Variants in SMIM21 observed in about 807,000 individuals in gnomAD.
The protein encoded by SMIM21 is small integral membrane protein 21, also known as chromosome 18 open reading frame 62.
In SMIM21, 8 loss-of-function variants were observed where a neutral mutation model predicts 8.6. That is an observed-to-expected ratio of 0.93 (90% confidence interval 0.55 to 1.68). SMIM21 has a LOEUF of 1.68. SMIM21 is among the 40% of genes most tolerant of loss of function. The probability of loss-of-function intolerance (pLI) is 0.00; values close to 1 mark genes in which losing one functional copy is unlikely to be tolerated. For synonymous variants in SMIM21, 43 were observed against 41.7 expected, an observed-to-expected ratio of 1.03 and a Z score of -0.12; for missense variants, 132 against 123.0, an observed-to-expected ratio of 1.07 and a Z score of -0.35.
chr18:75,421,106 G>A (rs76737801), intron 1 of SMIM21, among the ~76,000 whole-genome samples: 12 of 152,306 alleles, frequency 7.9e-5, no homozygotes, highest in East Asian at 5.8e-4. Flanking sequence ...GGTTGATCGC[G>A]AAGCAGTTTT....
chr18:75,418,440 C>G (rs2024671792), intron 2 of SMIM21, among the ~76,000 whole-genome samples: 1 of 152,206 alleles, frequency 6.6e-6, no homozygotes, highest in African/African-American at 2.4e-5. Context: ...TCCCATGTCA[C>G]TGGCTCTCAG....
intron 1 of SMIM21, among the ~76,000 whole-genome samples, chr18:75,420,793 TTGGGAGCTTTCC>T (rs1171419016): frequency 6.6e-6 from 1 of 152,188 alleles, no homozygotes; most frequent in Non-Finnish European, 1.5e-5. Flanking sequence ...GAAAGAAATA[TTGGGAGCTTTCC>T]TGGGCCCTTT....
intron 1 of SMIM21, among the ~76,000 whole-genome samples, chr18:75,422,364 ATCAAAAGAAACTG>A (rs2024718677): frequency 6.6e-6 from 1 of 151,594 alleles, no homozygotes; most frequent in South Asian, 2.1e-4. Context: ...TTTTTTTTTA[ATCAAAAGAAACTG>A]AGCTGGCACA....
chr18:75,425,459 G>A (rs561677857), intron 1 of SMIM21, among the ~76,000 whole-genome samples: 4 of 152,350 alleles, frequency 2.6e-5, no homozygotes, highest in South Asian at 2.1e-4. Context: ...ATTGGCTTTA[G>A]AGTCATTAAT....
At chr18:75,422,927 A>G (rs568040480) in intron 1 of SMIM21, among the ~76,000 whole-genome samples, 1 of 152,358 alleles carries the variant, frequency 6.6e-6, no homozygotes, top group African/African-American at 2.4e-5. Context: ...TGAATTGGAC[A>G]CTTAAGGCTA....
chr18:75,411,706 C>T (rs188905701), intron 2 of SMIM21, among the ~76,000 whole-genome samples: 2 of 152,312 alleles, frequency 1.3e-5, no homozygotes, highest in Non-Finnish European at 2.9e-5. Flanking sequence ...CTTTCATCAA[C>T]ACTAAAAATA....
chr18:75,424,452 A>G (rs933152843), intron 1 of SMIM21, among the ~76,000 whole-genome samples: 3 of 152,200 alleles, frequency 2.0e-5, no homozygotes, highest in African/African-American at 7.2e-5. Context: ...GGGTATGTTT[A>G]GGATACAGCA....
chr18:75,418,499 C>G (rs1387572392), intron 2 of SMIM21, among the ~76,000 whole-genome samples: 2 of 152,208 alleles, frequency 1.3e-5, no homozygotes, highest in African/African-American at 4.8e-5. Flanking sequence ...CTCATCCTGT[C>G]TCAAGGAGCG....
chr18:75,423,029 G>A (rs948412112), intron 1 of SMIM21, among the ~76,000 whole-genome samples: 4 of 152,190 alleles, frequency 2.6e-5, no homozygotes, highest in African/African-American at 9.6e-5. Context: ...TTCAGTAAAA[G>A]ACTTGAGTTC....
At chr18:75,414,392 A>G (rs1362687553) in intron 2 of SMIM21, among the ~76,000 whole-genome samples, 1 of 152,046 alleles carries the variant, frequency 6.6e-6, no homozygotes, top group African/African-American at 2.4e-5. Flanking sequence ...ATAAAAAATA[A>G]CTCCTGCTCC....
intron 1 of SMIM21, among the ~76,000 whole-genome samples, chr18:75,427,091 G>A (rs2024771960): frequency 6.6e-6 from 1 of 152,200 alleles, no homozygotes; most frequent in Non-Finnish European, 1.5e-5. Flanking sequence ...TAGGCTTAAA[G>A]CATTTGGAGG....
At chr18:75,413,283 G>A (rs1034268289) in intron 2 of SMIM21, among the ~76,000 whole-genome samples, 8 of 152,132 alleles carry the variant, frequency 5.3e-5, no homozygotes, top group South Asian at 2.1e-4. Flanking sequence ...TTCTGTCTCC[G>A]CACTAAACCC....
intron 2 of SMIM21, among the ~76,000 whole-genome samples, chr18:75,412,146 T>C (rs574228262): frequency 3.9e-5 from 6 of 152,362 alleles, no homozygotes; most frequent in African/African-American, 1.4e-4. Context: ...AACACTGTTC[T>C]GACCTCTGGC....
intron 2 of SMIM21, among the ~76,000 whole-genome samples, chr18:75,414,202 T>C (rs1483323240): frequency 1.3e-5 from 2 of 151,986 alleles, no homozygotes; most frequent in Non-Finnish European, 2.9e-5. Flanking sequence ...TTACTATTGA[T>C]TGTAGACATA....
chr18:75,424,366 A>G (rs2024739747), intron 1 of SMIM21, among the ~76,000 whole-genome samples: 1 of 152,234 alleles, frequency 6.6e-6, no homozygotes. Flanking sequence ...AAGCAATATT[A>G]TATAGAAATC....
At chr18:75,426,652 A>G (rs1003342984) in intron 1 of SMIM21, among the ~76,000 whole-genome samples, 8 of 77,376 alleles carry the variant, frequency 1.0e-4, no homozygotes, top group South Asian at 4.2e-4. Context: ...AAAAAAAAAA[A>G]AAAAAAAAAA....
intron 1 of SMIM21, among the ~76,000 whole-genome samples, chr18:75,424,196 C>T (rs1262733572): frequency 6.6e-6 from 1 of 152,184 alleles, no homozygotes; most frequent in Non-Finnish European, 1.5e-5. Flanking sequence ...TATTGATCCA[C>T]TGACACTTAA....
chr18:75,411,662 T>G (rs2024586298), intron 2 of SMIM21, among the ~76,000 whole-genome samples: 1 of 152,208 alleles, frequency 6.6e-6, no homozygotes, highest in Non-Finnish European at 1.5e-5. Flanking sequence ...AACTGCCACT[T>G]TAGCCCATGT....
At chr18:75,414,179 G>A (rs1599103463) in intron 2 of SMIM21, among the ~76,000 whole-genome samples, 1 of 150,944 alleles carries the variant, frequency 6.6e-6, no homozygotes, top group African/African-American at 2.4e-5. Flanking sequence ...TGTTTCCCAA[G>A]ATGAGTTCCA....
Sources: gnomAD v4.1 joint callset for allele counts (sites outside exome capture counted in the v4.1 genomes callset) on GRCh38, gnomAD v4.1.1 for gene constraint, MANE v1.5 for transcripts, NCBI Gene and HGNC (gene_info 2026-07-23, HGNC 2026-07-21) for gene names.